Variants in FAM83G observed in about 807,000 individuals in gnomAD.
FAM83G encodes the protein protein FAM83G.
FAM83G carries 38 observed loss-of-function variants against 61.5 expected under a neutral mutation model. The ratio of observed to expected loss-of-function variants is 0.62; its 90% CI spans 0.48 to 0.81. The LOEUF (loss-of-function observed/expected upper bound fraction) is 0.81. Ranked by LOEUF, FAM83G falls within the 30% of genes least tolerant of loss-of-function variation. The probability of loss-of-function intolerance (pLI) is 0.00; values close to 1 mark genes in which losing one functional copy is unlikely to be tolerated. For missense variants in FAM83G, 989 were observed against 1,133.6 expected, an observed-to-expected ratio of 0.87 and a Z score of 1.83; for synonymous variants, 470 against 476.1, an observed-to-expected ratio of 0.99 and a Z score of 0.17.
Position 18,970,854 on chromosome 17 carries a change from T to A in FAM83G, c.*505A>T. ...TACACCTTAAAAAAAAAAACAACCC[T>A]CTACCCTCACACCTTTCCAAACACT... On this transcript the variant is annotated 3_prime_UTR_variant, in exon 6 of 6. Coordinates refer to ENST00000388995, the MANE Select transcript of FAM83G (RefSeq NM_001039999.3). 1.6e-6 allele frequency: 1 copy of A among 628,104 alleles called. No individual in the cohort carries two copies. Among genetic ancestry groups the A allele is most frequent in the Non-Finnish European group, 2.8e-6 (1 of 358,216 alleles). 38.9% of individuals were successfully genotyped at this position (628,104 alleles called of 1,614,324 possible).
rs2043050146 is a variant in FAM83G at position 18,978,637 on chromosome 17, C to T, written c.1029G>A (p.Lys343=). The change falls in exon 5 of 6, where the codon AAG becomes AAA. Residue 343 remains lysine, a synonymous_variant. Coordinates refer to ENST00000388995, the MANE Select transcript of FAM83G (RefSeq NM_001039999.3). The part of the protein sequence containing the change: ...PLVPAGTVAK[K]LVNPKYALVK... ...CAAGTGCGTACTTGGGGTTGACGAG[C>T]TTCTTGGCCACAGTGCCCGCGGGCA... The T allele has an allele frequency of 6.2e-7, 1 of 1,613,130 alleles. No homozygotes were observed. Among genetic ancestry groups the T allele is most frequent in the Non-Finnish European group, 8.5e-7 (1 of 1,180,024 alleles).
At position 18,976,834 on chromosome 17, in the gene FAM83G, G is replaced by A. The variant is rs771303153; in HGVS notation, c.2082+750C>T. 1.4e-5 allele frequency: 22 copies of A among 1,612,134 alleles called. No individual in the cohort carries two copies. In the East Asian group the frequency reaches 2.9e-4, roughly 21 times the overall value. On this transcript the variant is annotated intron_variant, in intron 5 of 5. Transcript: ENST00000388995. ...TGTCCCTCAGGCTTGGACTCACCCC[G>A]TCTCGCACTCCACCCCCAGGTCATC...
Position 18,969,501 on chromosome 17 carries a change from C to G in FAM83G, c.*1858G>C. On this transcript the variant is annotated 3_prime_UTR_variant, in exon 6 of 6. Transcript: ENST00000388995. ...GAGTCTGGCACTGCCCGGCACTGTG[C>G]AGGATTCATGCCGTTGGGGTTCTGG... is the stretch of plus-strand genomic sequence containing the variant. 1.5e-6 allele frequency: 2 copies of G among 1,356,424 alleles called. No individual in the cohort carries two copies. The highest frequency in any genetic ancestry group is 2.3e-5 in the East Asian group (1 of 43,276). 84.0% of individuals were successfully genotyped at this position (1,356,424 alleles called of 1,614,324 possible). A position where few individuals can be genotyped will look rare whatever the true frequency, so the allele number is the denominator to read the frequency against.
chr17:19,001,272 T>C (rs1383032937), intron 2 of FAM83G, among the ~76,000 whole-genome samples: 2 of 152,168 alleles, frequency 1.3e-5, no homozygotes, highest in African/African-American at 4.8e-5. Context: ...GGGGCTTGGC[T>C]CACCACAATG....
intron 5 of FAM83G, among the ~76,000 whole-genome samples, chr17:18,972,043 G>A (rs2042869358): frequency 6.6e-6 from 1 of 152,222 alleles, no homozygotes; most frequent in African/African-American, 2.4e-5. Context: ...GAAATGGGCT[G>A]AATGGGGTTG....
chr17:18,977,121 A>T, intron 5 of FAM83G: 1 of 1,271,918 alleles, frequency 7.9e-7, no homozygotes, highest in East Asian at 2.5e-5. Context: ...GAGTGGGGAG[A>T]GTGGTCCTCA....
At chr17:18,982,693 G>C (rs2043169967) in intron 3 of FAM83G, among the ~76,000 whole-genome samples, 1 of 152,148 alleles carries the variant, frequency 6.6e-6, no homozygotes, top group Non-Finnish European at 1.5e-5. Context: ...ATCCCCCCAG[G>C]CCTCCAGGCC....
intron 2 of FAM83G, among the ~76,000 whole-genome samples, chr17:18,990,543 C>A (rs1259705206): frequency 6.6e-6 from 1 of 152,218 alleles, no homozygotes. Context: ...GGGGACTTGC[C>A]CTGGGCTTGG....
At chr17:18,986,684 T>C (rs553543732) in intron 3 of FAM83G, among the ~76,000 whole-genome samples, 1 of 152,362 alleles carries the variant, frequency 6.6e-6, no homozygotes, top group East Asian at 1.9e-4. Flanking sequence ...CTGGAGTGGC[T>C]GGCCCCAGGT....
chr17:18,978,855 A>G lies in FAM83G; in HGVS notation c.816-5T>C. 1 of 1,610,762 alleles carries G rather than the reference A, an allele frequency of 6.2e-7. No homozygotes were observed. Among genetic ancestry groups the G allele is most frequent in the South Asian group, 1.1e-5 (1 of 91,032 alleles). On this transcript the variant is annotated splice_region_variant and splice_polypyrimidine_tract_variant and intron_variant, in intron 4 of 5. Transcript: ENST00000388995. ...CGCGCGGCCGACCACGTGAAGCTGC[A>G]ACAGAGGGAGGGGGCGCTGGTCAGG...
intron 2 of FAM83G, among the ~76,000 whole-genome samples, chr17:18,994,452 A>C (rs762664680): frequency 3.3e-5 from 5 of 152,110 alleles, no homozygotes; most frequent in Non-Finnish European, 7.3e-5. Context: ...GCACAGAGTG[A>C]ACTCCAGAGA....
chr17:18,988,548 C>A, intron 2 of FAM83G, 134 bp from the exon 3 acceptor site: 1 of 1,431,394 alleles, frequency 7.0e-7, no homozygotes, highest in East Asian at 2.4e-5. Flanking sequence ...CCTGGAGCCT[C>A]AGGCCCGGGA....
Position 18,968,903 on chromosome 17 carries a change from G to A in FAM83G, c.*2456C>T, listed in dbSNP as rs781756335. The A allele has an allele frequency of 6.1e-6, 4 of 661,122 alleles. No individual in the cohort carries two copies. Among genetic ancestry groups the A allele is most frequent in the South Asian group, 4.0e-5 (2 of 50,566 alleles). 41.0% of individuals were successfully genotyped at this position (661,122 alleles called of 1,614,324 possible). A position where few individuals can be genotyped will look rare whatever the true frequency, so the allele number is the denominator to read the frequency against. ...CTTCCCCCAACCTCACAATGGCCCCGTGATGCAGGCAGGCAGGCGAGTGGG... is the reference window on the plus strand; with the variant it reads ...CTTCCCCCAACCTCACAATGGCCCCATGATGCAGGCAGGCAGGCGAGTGGG... On this transcript the variant is annotated 3_prime_UTR_variant, in exon 6 of 6. Coordinates refer to ENST00000388995, the MANE Select transcript of FAM83G (RefSeq NM_001039999.3). This position sits in a 1 kb window ranked among gnomAD's most constrained non-coding sequence, Gnocchi z 4.1.
intron 3 of FAM83G, among the ~76,000 whole-genome samples, chr17:18,980,570 G>A (rs1195872562): frequency 6.6e-6 from 1 of 152,174 alleles, no homozygotes; most frequent in Non-Finnish European, 1.5e-5. Context: ...GGGCCTGTGT[G>A]TTATGAGCTC....
At chr17:19,005,736 C>T (rs975498030), upstream of FAM83G, among the ~76,000 whole-genome samples, 1 of 152,070 alleles carries the variant, frequency 6.6e-6, no homozygotes, top group Admixed American at 6.5e-5. Context: ...GACTAGCCTC[C>T]TAGGCCCAGC....
Position 18,979,678 on chromosome 17 carries a change from T to A in FAM83G, c.691-5A>T, listed in dbSNP as rs2472714. On this transcript the variant is annotated splice_region_variant and splice_polypyrimidine_tract_variant and intron_variant, in intron 3 of 5. Transcript: ENST00000388995. ...GCTGCTCCGCACTCTGAGATTCTGT[T>A]TTGGGAACCAAGAGACAGAATTACA... is the stretch of plus-strand genomic sequence containing the variant. 1,605,265 of 1,613,122 alleles carry A rather than the reference T, an allele frequency of 1. 799,310 individuals carry two copies. Among genetic ancestry groups the A allele is most frequent in the Middle Eastern group, 1 (6,028 of 6,028 alleles).
In FAM83G at chr17:18,977,886, C is replaced by A; in HGVS notation, c.1780G>T (p.Asp594Tyr). ...DDDYVTLSDQ[D>Y]SHSGSSGRGP... Reference sequence around the variant, plus strand: ...CGGCCGGAGCTGCCTGAGTGGCTGTCCTGGTCACTGAGGGTTACGTAGTCG... The same window carrying A: ...CGGCCGGAGCTGCCTGAGTGGCTGTACTGGTCACTGAGGGTTACGTAGTCG... The change falls in exon 5 of 6, where the codon GAC becomes TAC. Residue 594 changes from aspartate (D) to tyrosine (Y), a missense_variant. Transcript: ENST00000388995. The A allele has an allele frequency of 6.2e-7, 1 of 1,610,966 alleles. No individual in the cohort carries two copies. The highest frequency in any genetic ancestry group is 8.5e-7 in the Non-Finnish European group (1 of 1,179,820).
intron 2 of FAM83G, among the ~76,000 whole-genome samples, chr17:18,992,727 G>A (rs1489924769): frequency 2.0e-5 from 3 of 152,234 alleles, no homozygotes; most frequent in Non-Finnish European, 4.4e-5. Flanking sequence ...AAAGGAGAAG[G>A]TGGACAAGAT....
At chr17:18,979,110 C>A (rs776954390) in intron 4 of FAM83G, 19 of 560,114 alleles carry the variant, frequency 3.4e-5, no homozygotes, top group African/African-American at 9.4e-5. Context: ...ATTCACTAAG[C>A]AGCTCAGGAA....
Sources: allele counts gnomAD v4.1 joint callset (sites outside exome capture counted in the v4.1 genomes callset), GRCh38; gene constraint gnomAD v4.1.1; non-coding constraint Gnocchi (gnomAD v3.1); transcripts MANE v1.5; gene names NCBI Gene and HGNC (gene_info 2026-07-23, HGNC 2026-07-21).